Variants in GARNL3 observed in about 807,000 individuals in gnomAD.
GARNL3 encodes the protein GTPase-activating Rap/Ran-GAP domain-like protein 3.
A neutral mutation model predicts 125.0 loss-of-function variants in GARNL3; 63 were observed. The observed-to-expected ratio is 0.50, with a 90% CI of 0.41 to 0.62. The LOEUF (loss-of-function observed/expected upper bound fraction) is 0.62. GARNL3 is among the 20% of genes least tolerant of loss of function. The pLI is 0.00. For synonymous variants in GARNL3, 439 were observed against 457.5 expected, an observed-to-expected ratio of 0.96 and a Z score of 0.52; for missense variants, 994 against 1,244.0, an observed-to-expected ratio of 0.80 and a Z score of 3.02.
In GARNL3 at chr9:127,231,230, T is replaced by TTA. The variant is rs748094284; in HGVS notation, c.-29+6893_-29+6894insAT. 1.5e-3 allele frequency among the ~76,000 whole-genome samples: 204 copies of TTA among 135,112 alleles called. 1 individual carries two copies. The highest frequency in any genetic ancestry group is 5.5e-3 in the African/African-American group (191 of 34,636). The allele number at this position is 135,112 out of a possible 152,430, so 88.6% of individuals were successfully genotyped here. On this transcript the variant is annotated intron_variant, in intron 1 of 10. Transcript: ENST00000439286. The stretch of plus-strand genomic sequence containing the variant: ...CCACCACGCCCAGCTAATTTTTTGT[T>TTA]TTTTTTTTTTTTTTTGTATTTTTAG...
At chr9:127,227,017 GCA>G (rs1245659101) in intron 1 of GARNL3, among the ~76,000 whole-genome samples, 5 of 152,230 alleles carry the variant, frequency 3.3e-5, no homozygotes, top group African/African-American at 1.2e-4. Flanking sequence ...TGGCCATGCA[GCA>G]CTTGTAATGT....
chr9:127,339,785 G>T, intron 13 of GARNL3, 34 bp downstream of exon 13: 2 of 1,287,372 alleles, frequency 1.6e-6, no homozygotes, highest in Non-Finnish European at 1.1e-6. Context: ...TTTGCAACTT[G>T]TTCTATGTCA....
At chr9:127,355,157 C>A in intron 19 of GARNL3, 140 bp from the exon 20 acceptor site, 2 of 667,228 alleles carry the variant, frequency 3.0e-6, no homozygotes, top group Non-Finnish European at 2.6e-6. Flanking sequence ...CTCCATTTTG[C>A]CTAGTGTCGG....
chr9:127,261,641 G>T (rs2063594231), upstream of GARNL3, among the ~76,000 whole-genome samples: 1 of 151,912 alleles, frequency 6.6e-6, no homozygotes, highest in Admixed American at 6.6e-5. Flanking sequence ...TCGAACTCCC[G>T]ACCTCAGGTG....
chr9:127,296,305 G>T (rs1387721353), intron 2 of GARNL3, among the ~76,000 whole-genome samples: 1 of 152,062 alleles, frequency 6.6e-6, no homozygotes. Context: ...CCAAAGGGAA[G>T]AGATGCATAG....
rs147191101 is a variant in GARNL3 at position 127,321,039 on chromosome 9, A to G, written c.567+261A>G. ...CCTGAGAACCGCAGAACTGTCCTCAATCCACGAACCAATAGGGTGTACATT... is the reference window on the plus strand; with the variant it reads ...CCTGAGAACCGCAGAACTGTCCTCAGTCCACGAACCAATAGGGTGTACATT... On this transcript the variant is annotated intron_variant, in intron 6 of 27. Coordinates refer to ENST00000373387, the MANE Select transcript of GARNL3 (RefSeq NM_032293.5). Among the ~76,000 whole-genome samples the G allele has an allele frequency of 5.5e-3, 836 of 152,332 alleles. 4 individuals are homozygous for G. The highest frequency in any genetic ancestry group is 0.018 in the African/African-American group (749 of 41,568).
At position 127,289,123 on chromosome 9, in the gene GARNL3, C is replaced by T. The variant is rs941326075; in HGVS notation, c.145-2045C>T. ...CACAAAGAAGCTGTTGATGCTGAAT[C>T]CTCTATACTTCCCCTGTGAAAACGG... On this transcript the variant is annotated intron_variant, in intron 1 of 27. Coordinates refer to ENST00000373387, the MANE Select transcript of GARNL3 (RefSeq NM_032293.5). Among the ~76,000 whole-genome samples the T allele has an allele frequency of 3.0e-4, 46 of 152,226 alleles. 1 individual carries two copies. Among genetic ancestry groups the T allele is most frequent in the Middle Eastern group, 3.4e-3 (1 of 294 alleles).
At chr9:127,363,717 AG>A (rs1365606451) in intron 21 of GARNL3, 2 of 152,276 alleles carry the variant, frequency 1.3e-5, no homozygotes, top group African/African-American at 4.8e-5. Context: ...GAACAGCAGC[AG>A]GGGCACAAAA....
intron 21 of GARNL3, among the ~76,000 whole-genome samples, chr9:127,359,470 C>CA (rs1339791047): frequency 1.3e-5 from 2 of 151,030 alleles, no homozygotes; most frequent in African/African-American, 4.9e-5. Context: ...AGCCTGGCGA[C>CA]AGAGTGAGAC....
intron 1 of GARNL3, among the ~76,000 whole-genome samples, chr9:127,275,294 T>C (rs1252068990): frequency 6.6e-6 from 1 of 152,208 alleles, no homozygotes; most frequent in Non-Finnish European, 1.5e-5. Context: ...AAGAGGAATT[T>C]GGTGTTTTTG....
At chr9:127,343,023 AAG>A (rs1328643729) in intron 14 of GARNL3, among the ~76,000 whole-genome samples, 1 of 149,930 alleles carries the variant, frequency 6.7e-6, no homozygotes. Flanking sequence ...TCAGCCTCCC[AAG>A]TAGCTGGGGT....
chr9:127,265,125 G>A (rs1354227560), intron 1 of GARNL3, 104 bp downstream of exon 1: 1 of 926,954 alleles, frequency 1.1e-6, no homozygotes, highest in Non-Finnish European at 1.6e-6. Context: ...TAGACCATGT[G>A]GGTACAGTGT....
At position 127,340,146 on chromosome 9, in the gene GARNL3, G is replaced by A. The variant is rs970168128; in HGVS notation, c.1135+395G>A. ...TGCTTAGGGATAGGGAGAGTTGTTG[G>A]GGAATGTGTGTGCACACTTGCGTGA... On this transcript the variant is annotated intron_variant, in intron 13 of 27. Coordinates refer to ENST00000373387, the MANE Select transcript of GARNL3 (RefSeq NM_032293.5). Among the ~76,000 whole-genome samples the A allele has an allele frequency of 3.9e-5, 6 of 152,130 alleles. No individual in the cohort carries two copies. The Middle Eastern group carries it at 0.01, about 259-fold the overall frequency.
intron 1 of GARNL3, among the ~76,000 whole-genome samples, chr9:127,225,963 C>T (rs1015058935): frequency 1.3e-5 from 2 of 152,208 alleles, no homozygotes; most frequent in Non-Finnish European, 2.9e-5. Flanking sequence ...CTCAGCTTCC[C>T]TGGCAGTCCC....
chr9:127,283,406 C>T (rs1417775856), intron 1 of GARNL3, among the ~76,000 whole-genome samples: 1 of 152,202 alleles, frequency 6.6e-6, no homozygotes, highest in Admixed American at 6.5e-5. Context: ...CACAGTGGCT[C>T]ACGCCTGTAA....
upstream of GARNL3, chr9:127,263,932 C>G: frequency 6.6e-7 from 1 of 1,510,958 alleles, no homozygotes; most frequent in Non-Finnish European, 8.8e-7. Flanking sequence ...GAGTCAGTCT[C>G]TTTCTGCATG....
At chr9:127,354,495 T>A in intron 19 of GARNL3, 85 bp downstream of exon 19, 2 of 768,372 alleles carry the variant, frequency 2.6e-6, no homozygotes, top group Non-Finnish European at 4.4e-6. Flanking sequence ...TAAAAATGAG[T>A]AGGAATTTGA....
upstream of GARNL3, chr9:127,263,785 T>A: frequency 8.0e-7 from 1 of 1,244,300 alleles, no homozygotes; most frequent in Non-Finnish European, 1.0e-6. Context: ...CATATAAGAT[T>A]AATTCAGCCA....
chr9:127,388,975 C>T lies in GARNL3; in HGVS notation c.2599C>T (p.Leu867=). Reference sequence around the variant, plus strand: ...CGTGGGCAGAAGCATCGAACGACCTCTGAAGTCACCCTTAGTCTCCAAGGT... The same window carrying T: ...CGTGGGCAGAAGCATCGAACGACCTTTGAAGTCACCCTTAGTCTCCAAGGT... ...NLVGRSIERP[L]KSPLVSKVIT... is the part of the protein sequence containing the mutation. The change falls in exon 26 of 28, where the codon CTG becomes TTG. Residue 867 remains leucine (L), a synonymous_variant. Coordinates refer to ENST00000373387, the MANE Select transcript of GARNL3 (RefSeq NM_032293.5). The T allele has an allele frequency of 6.2e-7, 1 of 1,613,758 alleles. No individual in the cohort carries two copies. The highest frequency in any genetic ancestry group is 2.2e-5 in the East Asian group (1 of 44,896).
Sources: gnomAD v4.1 joint callset for allele counts (sites outside exome capture counted in the v4.1 genomes callset) on GRCh38, gnomAD v4.1.1 for gene constraint, MANE v1.5 for transcripts, NCBI Gene and HGNC (gene_info 2026-07-23, HGNC 2026-07-21) for gene names.